Variants in C12orf42 observed in about 807,000 individuals in gnomAD.
The protein encoded by C12orf42 is chromosome 12 open reading frame 42.
C12orf42 carries 25 observed loss-of-function variants against 21.6 expected under a neutral mutation model. The observed-to-expected ratio is 1.16, with a 90% confidence interval of 0.84 to 1.62. The LOEUF (loss-of-function observed/expected upper bound fraction) is 1.62. Among genes scored for constraint, C12orf42 ranks in the 40% most tolerant of loss-of-function variants. The pLI is 0.00. For synonymous variants in C12orf42, 174 were observed against 175.0 expected (o/e 0.99, Z 0.05); for missense variants, 483 against 459.3 (o/e 1.05, Z -0.47).
the C12orf42 span, among the ~76,000 whole-genome samples, chr12:103,077,253 T>C: frequency 6.6e-6 from 1 of 152,188 alleles, no homozygotes. Flanking sequence ...TTACCTCATG[T>C]AGAAAACATC....
chr12:103,517,106 G>C, the C12orf42 span, among the ~76,000 whole-genome samples: 13 of 152,184 alleles, frequency 8.5e-5, no homozygotes, highest in Admixed American at 2.0e-4. Context: ...AAATCAGGTT[G>C]GTGACATAAT....
intron 4 of C12orf42, among the ~76,000 whole-genome samples, chr12:103,312,172 G>A (rs965630688): frequency 1.1e-4 from 16 of 152,188 alleles, no homozygotes; most frequent in African/African-American, 2.9e-4. Flanking sequence ...GAGAGGAAGC[G>A]TCTTGTTACA....
chr12:103,294,648 AG>A (rs1182142577), intron 4 of C12orf42, among the ~76,000 whole-genome samples: 2 of 146,052 alleles, frequency 1.4e-5, no homozygotes, highest in East Asian at 2.1e-4. Context: ...AGGAAAAGAA[AG>A]AGAAAGAAAG....
At chr12:103,541,326 T>C in the C12orf42 span, among the ~76,000 whole-genome samples, 1 of 152,240 alleles carries the variant, frequency 6.6e-6, no homozygotes, top group Non-Finnish European at 1.5e-5. Context: ...TATCTCAAAT[T>C]AATCACATAG....
the C12orf42 span, among the ~76,000 whole-genome samples, chr12:103,512,636 G>T: frequency 6.6e-6 from 1 of 152,142 alleles, no homozygotes; most frequent in Non-Finnish European, 1.5e-5. Context: ...TGACCCATAT[G>T]GTGTGCCCTT....
chr12:103,370,637 C>T lies in C12orf42; in HGVS notation c.148-1639G>A, dbSNP rs115358638. ...AGCAAACTAACACAGAAACAGAAGC[C>T]TAAATACCACATGTTCTCACTTATA... On this transcript the variant is annotated intron_variant, in intron 3 of 5. Coordinates refer to ENST00000548883, the MANE Select transcript of C12orf42 (RefSeq NM_198521.5). 3.2e-3 allele frequency among the ~76,000 whole-genome samples: 493 copies of T among 152,122 alleles called. 3 individuals are homozygous for T. Among genetic ancestry groups the T allele is most frequent in the African/African-American group, 0.011 (467 of 41,510 alleles).
chr12:103,068,016 C>A, the C12orf42 span, among the ~76,000 whole-genome samples: 4 of 152,104 alleles, frequency 2.6e-5, no homozygotes, highest in Non-Finnish European at 4.4e-5. Flanking sequence ...TGGCCCAGAC[C>A]CTTCAGGAAT....
At chr12:103,306,872 A>T (rs755103109) in intron 4 of C12orf42, among the ~76,000 whole-genome samples, 1 of 149,788 alleles carries the variant, frequency 6.7e-6, no homozygotes, top group Non-Finnish European at 1.5e-5. Context: ...TCCTTATAAG[A>T]AAAGGAAACT....
chr12:103,338,830 AAAG>A (rs1287718571), intron 4 of C12orf42, among the ~76,000 whole-genome samples: 1 of 152,154 alleles, frequency 6.6e-6, no homozygotes, highest in Non-Finnish European at 1.5e-5. Flanking sequence ...TGGGAACAGG[AAAG>A]AAGGAGGAAG....
chr12:103,482,271 T>G (rs893336884), intron 1 of C12orf42, among the ~76,000 whole-genome samples: 10 of 152,144 alleles, frequency 6.6e-5, no homozygotes, highest in Non-Finnish European at 1.2e-4. Context: ...CAGGTCTGTT[T>G]GGAAACGTCT....
rs758518433 is a variant in C12orf42, at chr12:103,478,341, T to C, written c.78+8A>G. ...AAGTAAGAAAATATAGTATCTCTTA[T>C]GCATTACCTGCATCCTGTTTGCAAA... On this transcript the variant is annotated splice_region_variant and intron_variant, in intron 2 of 5. Coordinates refer to ENST00000548883, the MANE Select transcript of C12orf42 (RefSeq NM_198521.5). The C allele has an allele frequency of 2.5e-6, 4 of 1,576,700 alleles. No homozygotes were observed. Among genetic ancestry groups the C allele is most frequent in the Non-Finnish European group, 2.6e-6 (3 of 1,153,122 alleles).
the C12orf42 span, chr12:103,505,452 A>C: frequency 2.7e-6 from 1 of 372,848 alleles, no homozygotes; most frequent in Non-Finnish European, 5.0e-6. Flanking sequence ...TCACAGGAGA[A>C]ATGAACACGT....
the C12orf42 span, among the ~76,000 whole-genome samples, chr12:103,056,603 C>T: frequency 1.3e-5 from 2 of 152,080 alleles, no homozygotes; most frequent in Non-Finnish European, 2.9e-5. Context: ...GTTATAGTCC[C>T]ATAGGCTCCT....
At chr12:103,229,839 T>C in the C12orf42 span, among the ~76,000 whole-genome samples, 1 of 152,222 alleles carries the variant, frequency 6.6e-6, no homozygotes, top group South Asian at 2.1e-4. Flanking sequence ...GTTCATTTGT[T>C]TTCAGCAATA....
chr12:103,207,851 T>G, the C12orf42 span, among the ~76,000 whole-genome samples: 20 of 152,274 alleles, frequency 1.3e-4, no homozygotes, highest in South Asian at 1.0e-3. Context: ...GAGAAAGATT[T>G]TCATCACCAG....
At chr12:103,062,762 T>G in the C12orf42 span, among the ~76,000 whole-genome samples, 1,798 of 152,336 alleles carry the variant, frequency 0.012, 42 homozygotes, top group African/African-American at 0.041. Context: ...CAGCATTCTT[T>G]AAATCTGCGG....
At chr12:103,081,334 A>C in the C12orf42 span, 5 of 152,316 alleles carry the variant, frequency 3.3e-5, no homozygotes, top group South Asian at 8.3e-4. Context: ...TCGCTCTTGG[A>C]GTCTCCTGAG....
Position 103,369,130 on chromosome 12 carries a change from A to T in C12orf42, c.148-132T>A, listed in dbSNP as rs1162413595. On this transcript the variant is annotated intron_variant, in intron 3 of 5. Transcript: ENST00000548883. ...AAATATTTTTGTTTCTTTATTCTTT[A>T]AATGAAACAATCCTGAAAACAATCA... The T allele has an allele frequency of 1.3e-5, 7 of 550,108 alleles. No homozygotes were observed. The South Asian group carries it at 1.7e-4, about 14-fold the overall frequency. The allele number at this position is 550,108 out of a possible 1,614,324, so 34.1% of individuals were successfully genotyped here.
chr12:103,254,600 T>G lies in C12orf42; in HGVS notation c.*1366+8726A>C, dbSNP rs189010830. On this transcript the variant is annotated intron_variant and NMD_transcript_variant, in intron 10 of 10. Transcript: ENST00000547347. The stretch of plus-strand genomic sequence containing the variant: ...TATGTAGCCATAAAAAGGAACAATA[T>G]CATGTCCTTTACAGGGACATGGATG... 2.1e-4 allele frequency among the ~76,000 whole-genome samples: 32 copies of G among 152,270 alleles called. No individual in the cohort carries two copies. The East Asian group carries it at 5.6e-3, about 27-fold the overall frequency.
Sources: gnomAD v4.1 joint callset for allele counts (sites outside exome capture counted in the v4.1 genomes callset) on GRCh38, gnomAD v4.1.1 for gene constraint, MANE v1.5 for transcripts, NCBI Gene and HGNC (gene_info 2026-07-23, HGNC 2026-07-21) for gene names.